GATA4: variants seen among roughly 807,000 people sequenced by gnomAD.
GATA4 encodes transcription factor GATA-4.
A neutral mutation model predicts 37.9 loss-of-function variants in GATA4; 7 were observed. The observed-to-expected ratio is 0.18, with a 90% CI of 0.11 to 0.35. The LOEUF is 0.35. Among genes scored for constraint, GATA4 ranks in the 10% least tolerant of loss-of-function variants. The probability of loss-of-function intolerance (pLI) is 1.00; values close to 1 mark genes in which losing one functional copy is unlikely to be tolerated. For missense variants in GATA4, 647 were observed against 653.0 expected (o/e 0.99, Z 0.10); for synonymous variants, 372 against 292.6 (o/e 1.27, Z -2.77).
At position 11,709,195 on chromosome 8, in the gene GATA4, T is replaced by TC. The variant is rs1206649142; in HGVS notation, c.616+270dup. ...GGGTCGGAGTGCGGCCTCCCCGCCA[T>TC]CCCAGACATCGACCGTGGCCGCGCT... On this transcript the variant is annotated intron_variant, in intron 2 of 6. Coordinates refer to ENST00000532059, the MANE Select transcript of GATA4 (RefSeq NM_001308093.3). This position sits in a 1 kb window ranked among gnomAD's most constrained non-coding sequence, Gnocchi z 4.3. Among the ~76,000 whole-genome samples the TC allele has an allele frequency of 6.6e-6, 1 of 152,058 alleles. No homozygotes were observed. The highest frequency in any genetic ancestry group is 1.5e-5 in the Non-Finnish European group (1 of 67,990).
chr8:11,745,287 T>C (rs79676816), intron 2 of GATA4, among the ~76,000 whole-genome samples: 24,123 of 151,764 alleles, frequency 0.16, 2,304 homozygotes, highest in East Asian at 0.3. Context: ...GTGGGCACAG[T>C]TCTGGGGTGG....
At chr8:11,680,073 C>T (rs1414316380) in intron 1 of GATA4, among the ~76,000 whole-genome samples, 2 of 152,228 alleles carry the variant, frequency 1.3e-5, no homozygotes, top group South Asian at 2.1e-4. Flanking sequence ...TGCTAAAGGA[C>T]TTCCCGCCGG....
intron 2 of GATA4, among the ~76,000 whole-genome samples, chr8:11,744,323 G>A (rs756988599): frequency 6.6e-5 from 10 of 152,324 alleles, no homozygotes; most frequent in Non-Finnish European, 1.3e-4. Context: ...ATTGTTGTAA[G>A]TTTTTCCTCT....
intron 2 of GATA4, among the ~76,000 whole-genome samples, chr8:11,741,764 G>C (rs1395740991): frequency 6.6e-6 from 1 of 152,248 alleles, no homozygotes; most frequent in East Asian, 1.9e-4. Context: ...CATTGAGACA[G>C]AGATGTTGGG....
intron 1 of GATA4, chr8:11,681,243 A>C: frequency 1.0e-6 from 1 of 985,290 alleles, no homozygotes; most frequent in Non-Finnish European, 1.2e-6. Flanking sequence ...GGGGACTTAC[A>C]GCTCGTCTGG....
chr8:11,679,143 C>G (rs1217737790), intron 1 of GATA4, among the ~76,000 whole-genome samples: 1 of 143,608 alleles, frequency 7.0e-6, no homozygotes, highest in South Asian at 2.2e-4. Flanking sequence ...AAACACTACA[C>G]GAAGTGGAGA....
chr8:11,714,257 A>G (rs1162136572), intron 2 of GATA4, among the ~76,000 whole-genome samples: 1 of 152,262 alleles, frequency 6.6e-6, no homozygotes, highest in Non-Finnish European at 1.5e-5. Context: ...TAACAACACA[A>G]TGAAATACAT....
chr8:11,713,059 T>A (rs986977585), intron 2 of GATA4, among the ~76,000 whole-genome samples: 73 of 152,318 alleles, frequency 4.8e-4, no homozygotes, highest in African/African-American at 1.6e-3. Context: ...ACACTTTTTT[T>A]TTTCTATGTA....
Position 11,757,060 on chromosome 8 carries a change from G to A in GATA4, c.1126G>A (p.Gly376Arg), listed in dbSNP as rs149872786. The change falls in exon 6 of 7, where the codon GGG becomes AGG. Residue 376 changes from glycine (G) to arginine (R), a missense_variant. By Grantham distance (125) the Gly-to-Arg change is moderately radical. Transcript: ENST00000532059. ...GGAGCCTGGCCTGTCATCTCACTACGGGCACAGCAGCTCCGTGTCCCAGGT... is the reference window on the plus strand; with the variant it reads ...GGAGCCTGGCCTGTCATCTCACTACAGGCACAGCAGCTCCGTGTCCCAGGT... ...KTEPGLSSHY[G>R]HSSSVSQTFS... 146 of 1,614,148 alleles carry A rather than the reference G, an allele frequency of 9.0e-5. No individual in the cohort carries two copies. The highest frequency in any genetic ancestry group is 2.7e-4 in the East Asian group (12 of 44,888).
chr8:11,757,739 T>C (rs1216303624), intron 6 of GATA4, among the ~76,000 whole-genome samples: 1 of 152,226 alleles, frequency 6.6e-6, no homozygotes, highest in African/African-American at 2.4e-5. Flanking sequence ...CGGAGGACGA[T>C]GGCGTCTCGG....
rs1358814516 is a variant in GATA4 at position 11,708,282 on chromosome 8, A to G, written c.-31A>G. The G allele has an allele frequency of 2.6e-6, 4 of 1,557,528 alleles. No individual in the cohort carries two copies. In the African/African-American group the frequency reaches 5.4e-5, roughly 21 times the overall value. On this transcript the variant is annotated 5_prime_UTR_variant, in exon 2 of 7. Coordinates refer to ENST00000532059, the MANE Select transcript of GATA4 (RefSeq NM_001308093.3). The surrounding 1 kb of genome is among the most constrained non-coding windows in gnomAD (Gnocchi z 6.7). ...GCTCCTTGACCTGCGAGGGAGAGAG[A>G]GGACACCGAAGCCGGGAGCTCGCAG...
intron 1 of GATA4, among the ~76,000 whole-genome samples, chr8:11,680,120 C>T (rs779634548): frequency 6.6e-6 from 1 of 152,258 alleles, no homozygotes; most frequent in Non-Finnish European, 1.5e-5. Context: ...ACCCAGAGCG[C>T]GCAGCCCGCG....
chr8:11,697,957 G>C (rs919661662), intron 1 of GATA4: 3 of 985,356 alleles, frequency 3.0e-6, no homozygotes, highest in African/African-American at 1.7e-5. Context: ...GCCTGGCGGC[G>C]CTCCAGCCGC....
In GATA4 at chr8:11,709,476, G is replaced by A. The variant is rs1800063926; in HGVS notation, c.616+548G>A. ...CGGGGGTCTCACACCGAGAACAAAG[G>A]AGGGATGGACAAAGGAGACGCCGGG... On this transcript the variant is annotated intron_variant, in intron 2 of 6. Coordinates refer to ENST00000532059, the MANE Select transcript of GATA4 (RefSeq NM_001308093.3). This position sits in a 1 kb window ranked among gnomAD's most constrained non-coding sequence, Gnocchi z 4.3. Among the ~76,000 whole-genome samples the A allele has an allele frequency of 6.6e-6, 1 of 151,852 alleles. No individual in the cohort carries two copies.
At chr8:11,713,576 G>C (rs973228358) in intron 2 of GATA4, among the ~76,000 whole-genome samples, 2 of 151,444 alleles carry the variant, frequency 1.3e-5, no homozygotes. Context: ...TTTTAGGCTG[G>C]AGAAGTCACT....
At chr8:11,740,545 C>T (rs1054992301) in intron 2 of GATA4, among the ~76,000 whole-genome samples, 4 of 152,220 alleles carry the variant, frequency 2.6e-5, no homozygotes, top group East Asian at 1.9e-4. Context: ...TGGGACTGAT[C>T]GTAGCTTCCC....
At position 11,717,110 on chromosome 8, in the gene GATA4, C is replaced by T. The variant is rs559304097; in HGVS notation, c.616+8182C>T. On this transcript the variant is annotated intron_variant, in intron 2 of 6. Transcript: ENST00000532059. ...TATATTGACCTCTGGTAGACCATGA[C>T]ATGGCCCCATATGCCATACAACATA... Among the ~76,000 whole-genome samples the T allele has an allele frequency of 4.6e-5, 7 of 152,338 alleles. No homozygotes were observed. In the East Asian group the frequency reaches 1.4e-3, roughly 29 times the overall value.
At chr8:11,725,783 T>C (rs758788884) in intron 2 of GATA4, among the ~76,000 whole-genome samples, 6 of 152,190 alleles carry the variant, frequency 3.9e-5, no homozygotes, top group Non-Finnish European at 5.9e-5. Context: ...CATCTGGTAC[T>C]GATGGCCTCA....
intron 2 of GATA4, among the ~76,000 whole-genome samples, chr8:11,732,504 G>C (rs1179827321): frequency 6.6e-6 from 1 of 152,244 alleles, no homozygotes; most frequent in Non-Finnish European, 1.5e-5. Flanking sequence ...CAGAAGGAGA[G>C]AGGTTGGGAA....
Sources: gnomAD v4.1 joint callset for allele counts (sites outside exome capture counted in the v4.1 genomes callset) on GRCh38, gnomAD v4.1.1 for gene constraint, Gnocchi (gnomAD v3.1) non-coding constraint, MANE v1.5 for transcripts, NCBI Gene and HGNC (gene_info 2026-07-23, HGNC 2026-07-21) for gene names.